PCDHA7: variants seen among roughly 807,000 people sequenced by gnomAD.
PCDHA7 encodes the protein protocadherin alpha 7.
A neutral mutation model predicts 57.2 loss-of-function variants in PCDHA7; 37 were observed. That is an observed-to-expected ratio of 0.65 (90% CI 0.50 to 0.85). PCDHA7 has a LOEUF of 0.85. PCDHA7 is among the 40% of genes least tolerant of loss of function. The pLI, the probability that PCDHA7 is intolerant of heterozygous loss-of-function variation, is 0.00. For synonymous variants in PCDHA7, 553 were observed against 558.8 expected (o/e 0.99, Z 0.15); for missense variants, 1,188 against 1,241.8 (o/e 0.96, Z 0.65).
At position 140,876,683 on chromosome 5, in the gene PCDHA7, A is replaced by G. The variant is rs782371303; in HGVS notation, c.2355+39945A>G. ...AAGCTGGTGTCCACCTACAAGAATT[A>G]CTACTCGTTGGTGCTGGACAGCGCC... On this transcript the variant is annotated intron_variant, in intron 1 of 3. Coordinates refer to ENST00000525929, the MANE Select transcript of PCDHA7 (RefSeq NM_018910.3). 5 of 1,614,094 alleles carry G rather than the reference A, an allele frequency of 3.1e-6. No homozygotes were observed. In the South Asian group the frequency reaches 5.5e-5, roughly 18 times the overall value.
At chr5:140,841,786 G>C in intron 1 of PCDHA7, 1 of 1,613,902 alleles carries the variant, frequency 6.2e-7, no homozygotes, top group Non-Finnish European at 8.5e-7. Context: ...TTCCGCTAGA[G>C]GGCGCGTCCG....
intron 1 of PCDHA7, among the ~76,000 whole-genome samples, chr5:140,932,779 G>T (rs556279743): frequency 3.9e-5 from 6 of 151,910 alleles, no homozygotes; most frequent in Non-Finnish European, 8.9e-5. Context: ...TAATTTGAGT[G>T]GACATAAGAG....
chr5:140,953,410 G>A (rs1328809858), intron 1 of PCDHA7, among the ~76,000 whole-genome samples: 5 of 152,042 alleles, frequency 3.3e-5, no homozygotes, highest in Non-Finnish European at 5.9e-5. Flanking sequence ...GTTGCTCCTG[G>A]CTCCTCCCCT....
At chr5:140,850,038 G>C (rs2150464728) in intron 1 of PCDHA7, 1 of 1,596,736 alleles carries the variant, frequency 6.3e-7, no homozygotes, top group East Asian at 2.2e-5. Flanking sequence ...CGCGGAGAGC[G>C]GCAAGGTGTA....
chr5:140,881,283 A>T, intron 1 of PCDHA7: 1 of 799,388 alleles, frequency 1.3e-6, no homozygotes, highest in Non-Finnish European at 1.5e-6. Flanking sequence ...TAAGATGGAG[A>T]GAGAAAATGG....
intron 1 of PCDHA7, chr5:140,928,635 A>T (rs148091714): frequency 1.6e-4 from 258 of 1,614,104 alleles, no homozygotes; most frequent in Non-Finnish European, 2.1e-4. Flanking sequence ...ACTTGGTCAC[A>T]AAAGTGGTAG....
intron 1 of PCDHA7, among the ~76,000 whole-genome samples, chr5:140,973,706 G>A (rs143845626): frequency 4.6e-5 from 7 of 152,274 alleles, no homozygotes; most frequent in South Asian, 4.1e-4. Context: ...TCTGACCCAG[G>A]AGTGAGCCAT....
At chr5:140,861,422 T>G in intron 1 of PCDHA7, 1 of 482,430 alleles carries the variant, frequency 2.1e-6, no homozygotes, top group Admixed American at 2.1e-5. Flanking sequence ...CGCGCCTGTT[T>G]CAGTTGGATT....
In PCDHA7 at chr5:140,882,396, C is replaced by A. The variant is rs1287441519; in HGVS notation, c.2355+45658C>A. 54 of 1,614,078 alleles carry A rather than the reference C, an allele frequency of 3.3e-5. No homozygotes were observed. The highest frequency in any genetic ancestry group is 4.6e-5 in the Non-Finnish European group (54 of 1,180,056). On this transcript the variant is annotated intron_variant, in intron 1 of 3. Transcript: ENST00000525929. The stretch of plus-strand genomic sequence containing the variant: ...GTCCCCGAGGAAGCAAAACACGGCA[C>A]CTTCGTGGGCCGCATCGCTCAGGAC...
chr5:140,879,012 T>C (rs2057811303), intron 1 of PCDHA7, among the ~76,000 whole-genome samples: 1 of 152,236 alleles, frequency 6.6e-6, no homozygotes, highest in African/African-American at 2.4e-5. Flanking sequence ...AGAAATCAGA[T>C]AATGTTTTAT....
At chr5:140,985,783 A>G (rs1587112463) in intron 3 of PCDHA7, among the ~76,000 whole-genome samples, 1 of 125,324 alleles carries the variant, frequency 8.0e-6, no homozygotes, top group Non-Finnish European at 1.6e-5. Context: ...TCTGTCGCCC[A>G]GGCTGGAGTG....
intron 1 of PCDHA7, among the ~76,000 whole-genome samples, chr5:140,943,548 G>A (rs1280986902): frequency 6.6e-6 from 1 of 152,152 alleles, no homozygotes; most frequent in African/African-American, 2.4e-5. Context: ...GTAAATAGAC[G>A]TAGACAATAA....
chr5:140,905,851 A>G (rs1345912722), intron 1 of PCDHA7, among the ~76,000 whole-genome samples: 1 of 152,204 alleles, frequency 6.6e-6, no homozygotes, highest in Non-Finnish European at 1.5e-5. Context: ...ATTAAGGAGT[A>G]TTAACTCACA....
At chr5:140,882,365 T>C (rs141224516) in intron 1 of PCDHA7, 1 of 1,614,208 alleles carries the variant, frequency 6.2e-7, no homozygotes, top group Non-Finnish European at 8.5e-7. Context: ...CCAGCTCCAC[T>C]ACTCCGTCCC....
intron 1 of PCDHA7, among the ~76,000 whole-genome samples, chr5:140,960,597 C>G (rs1315375637): frequency 1.3e-5 from 2 of 152,092 alleles, no homozygotes; most frequent in Non-Finnish European, 2.9e-5. Flanking sequence ...ATTCAAGGTA[C>G]TTCAACAATA....
chr5:140,844,325 T>G (rs2150370543), intron 1 of PCDHA7, among the ~76,000 whole-genome samples: 1 of 149,576 alleles, frequency 6.7e-6, no homozygotes, highest in African/African-American at 2.4e-5. Context: ...AATTTTATTA[T>G]AAACTAGTTA....
chr5:140,903,086 C>T lies in PCDHA7; in HGVS notation c.2355+66348C>T, dbSNP rs534457835. 2.6e-5 allele frequency among the ~76,000 whole-genome samples: 4 copies of T among 152,260 alleles called. No homozygotes were observed. In the East Asian group the frequency reaches 7.7e-4, roughly 29 times the overall value. ...CCTTTGGGTAGATACCTGATAGTGGCATTGCTGGATCAAATAATAGCTCTA... is the reference window on the plus strand; with the variant it reads ...CCTTTGGGTAGATACCTGATAGTGGTATTGCTGGATCAAATAATAGCTCTA... On this transcript the variant is annotated intron_variant, in intron 1 of 3. Transcript: ENST00000525929.
At chr5:140,851,191 T>A in intron 1 of PCDHA7, 1 of 1,215,936 alleles carries the variant, frequency 8.2e-7, no homozygotes, top group Non-Finnish European at 1.1e-6. Flanking sequence ...ACCAATTTAG[T>A]TGTTAGTCAT....
intron 1 of PCDHA7, chr5:140,843,655 T>C: frequency 6.3e-7 from 1 of 1,594,836 alleles, no homozygotes; most frequent in Non-Finnish European, 8.6e-7. Context: ...GCCTTCCTCC[T>C]GATCTGGGAT....
Sources: gnomAD v4.1 joint callset for allele counts (sites outside exome capture counted in the v4.1 genomes callset) on GRCh38, gnomAD v4.1.1 for gene constraint, MANE v1.5 for transcripts, NCBI Gene and HGNC (gene_info 2026-07-23, HGNC 2026-07-21) for gene names.